The following VEPH1 variants were observed in gnomAD, a reference collection of about 807,000 sequenced individuals.
The protein encoded by VEPH1 is ventricular zone expressed PH domain containing 1.
In VEPH1, 80 loss-of-function variants were observed where a neutral mutation model predicts 85.2. The observed-to-expected ratio is 0.94, with a 90% CI of 0.78 to 1.13. The LOEUF is 1.13. Among genes scored for constraint, VEPH1 ranks in the 50% most tolerant of loss-of-function variants. The pLI, the probability that VEPH1 is intolerant of heterozygous loss-of-function variation, is 0.00. For synonymous variants in VEPH1, 297 were observed against 348.0 expected, an observed-to-expected ratio of 0.85 and a Z score of 1.63; for missense variants, 955 against 980.5, an observed-to-expected ratio of 0.97 and a Z score of 0.35.
intron 11 of VEPH1, among the ~76,000 whole-genome samples, chr3:157,287,587 T>TA (rs1716943975): frequency 6.6e-6 from 1 of 152,106 alleles, no homozygotes; most frequent in Non-Finnish European, 1.5e-5. Context: ...TTTACTGAGA[T>TA]AGAGTCTCAC....
At chr3:157,328,986 CTGTT>C (rs1263249569) in intron 9 of VEPH1, among the ~76,000 whole-genome samples, 3 of 152,146 alleles carry the variant, frequency 2.0e-5, no homozygotes, top group Admixed American at 6.5e-5. Context: ...CAAATCTAGA[CTGTT>C]TGACTCTAGT....
At position 157,381,308 on chromosome 3, in the gene VEPH1, A is replaced by T. The variant is rs1728738730; in HGVS notation, c.975T>A (p.His325Gln). ...TGCTTTTAATCTCCAGCAGGAGAAT[A>T]TGGTGAAACGAATGCTCCATGTTGG... ...QLANMEHSFH[H>Q]ILLLEIKSIT... is the part of the protein sequence containing the mutation. Residue 325 changes from histidine to glutamine, a missense_variant, in exon 7 of 14, where the codon CAT (histidine) becomes CAA (glutamine). Transcript: ENST00000362010. The T allele has an allele frequency of 6.2e-7, 1 of 1,614,116 alleles. No homozygotes were observed. The highest frequency in any genetic ancestry group is 1.3e-5 in the African/African-American group (1 of 74,950).
intron 6 of VEPH1, among the ~76,000 whole-genome samples, chr3:157,387,682 C>G (rs1435026081): frequency 6.6e-6 from 1 of 152,222 alleles, no homozygotes; most frequent in Admixed American, 6.5e-5. Flanking sequence ...GATGTTCTTT[C>G]TCAGTGCTGT....
At chr3:157,478,939 A>G (rs1187360680) in intron 2 of VEPH1, among the ~76,000 whole-genome samples, 1 of 152,214 alleles carries the variant, frequency 6.6e-6, no homozygotes, top group Non-Finnish European at 1.5e-5. Context: ...CATGGCATGA[A>G]GAAAAAATTC....
rs562689939 is a variant in VEPH1 at position 157,380,019 on chromosome 3, A to G, written c.1127+1137T>C. Among the ~76,000 whole-genome samples, 7 of 152,324 alleles carry G rather than the reference A, an allele frequency of 4.6e-5. No individual in the cohort carries two copies. The East Asian group carries it at 7.7e-4, about 17-fold the overall frequency. On this transcript the variant is annotated intron_variant, in intron 7 of 13. Transcript: ENST00000362010. ...AGCTTTTTAAGTTTCTCTCTATTCA[A>G]ACCAGAGCAAAAACAAATAAAACCC...
intron 12 of VEPH1, among the ~76,000 whole-genome samples, chr3:157,277,417 T>C (rs1715538460): frequency 6.6e-6 from 1 of 152,222 alleles, no homozygotes; most frequent in Non-Finnish European, 1.5e-5. Context: ...GTGCCCCGTC[T>C]GTGATAAGGA....
At chr3:157,485,094 C>A (rs116360438) in intron 2 of VEPH1, among the ~76,000 whole-genome samples, 2,640 of 152,298 alleles carry the variant, frequency 0.017, 38 homozygotes, top group Non-Finnish European at 0.026. Flanking sequence ...GAATTGCTGT[C>A]ATTCCCCCAA....
chr3:157,283,318 T>C (rs1406975435), intron 12 of VEPH1, among the ~76,000 whole-genome samples: 2 of 152,234 alleles, frequency 1.3e-5, no homozygotes, highest in East Asian at 1.9e-4. Flanking sequence ...ACTTAATCTC[T>C]TTGTGTTTCA....
chr3:157,477,053 A>G (rs767283799), intron 2 of VEPH1, among the ~76,000 whole-genome samples: 1 of 152,202 alleles, frequency 6.6e-6, no homozygotes, highest in African/African-American at 2.4e-5. Context: ...ATAGTTGCAA[A>G]TAATTATCAC....
In VEPH1 at chr3:157,470,501, G is replaced by T. The variant is rs754309822; in HGVS notation, c.167C>A (p.Ala56Glu). 6.2e-7 allele frequency: 1 copy of T among 1,614,000 alleles called. No homozygotes were observed. The highest frequency in any genetic ancestry group is 1.3e-5 in the African/African-American group (1 of 74,890). The change falls in exon 3 of 14, where the codon GCA becomes GAA. Residue 56 changes from alanine (A) to glutamate (E), a missense_variant. Physicochemically the swap from Ala to Glu is moderately radical, Grantham distance 107. Coordinates refer to ENST00000362010, the MANE Select transcript of VEPH1 (RefSeq NM_001167912.2). ...TCTTGTGATACAGATTTCAACTACTGCCTGGTCATTGTTATTGGTTTGGTA... is the reference window on the plus strand; with the variant it reads ...TCTTGTGATACAGATTTCAACTACTTCCTGGTCATTGTTATTGGTTTGGTA... ...SDYQTNNNDQ[A>E]VVEICITRIT...
At chr3:157,358,225 C>T (rs1214925933) in intron 9 of VEPH1, among the ~76,000 whole-genome samples, 3 of 152,096 alleles carry the variant, frequency 2.0e-5, no homozygotes, top group Non-Finnish European at 4.4e-5. Context: ...AACTAAAATT[C>T]ACTTTTTGGA....
At chr3:157,490,571 T>A (rs539097908) in intron 2 of VEPH1, among the ~76,000 whole-genome samples, 19 of 152,234 alleles carry the variant, frequency 1.2e-4, no homozygotes, top group Non-Finnish European at 1.5e-4. Flanking sequence ...AACAATTACA[T>A]GCTGCTTCAC....
At chr3:157,356,246 C>A (rs1436110686) in intron 9 of VEPH1, among the ~76,000 whole-genome samples, 3 of 151,056 alleles carry the variant, frequency 2.0e-5, no homozygotes, top group Non-Finnish European at 4.5e-5. Flanking sequence ...AACAAAAAAA[C>A]AAAACCCTGT....
intron 3 of VEPH1, among the ~76,000 whole-genome samples, chr3:157,466,339 T>A (rs1736372708): frequency 6.6e-6 from 1 of 152,046 alleles, no homozygotes; most frequent in Non-Finnish European, 1.5e-5. Flanking sequence ...CAGATAGAGA[T>A]CGCTTTTGTA....
At chr3:157,479,703 C>T (rs997943832) in intron 2 of VEPH1, among the ~76,000 whole-genome samples, 2 of 152,176 alleles carry the variant, frequency 1.3e-5, no homozygotes, top group African/African-American at 2.4e-5. Flanking sequence ...GCTAAGGGCT[C>T]GGCTCTGCTT....
chr3:157,260,984 C>A lies in VEPH1; in HGVS notation c.*150G>T, dbSNP rs1310378530. On this transcript the variant is annotated 3_prime_UTR_variant, in exon 14 of 14. Coordinates refer to ENST00000362010, the MANE Select transcript of VEPH1 (RefSeq NM_001167912.2). ...GTATGACATTTACTAAGAATCCTGCCATTTTAGGCCCTTCTTCTTAAAGGA... is the reference window on the plus strand; with the variant it reads ...GTATGACATTTACTAAGAATCCTGCAATTTTAGGCCCTTCTTCTTAAAGGA... The A allele has an allele frequency of 2.8e-6, 3 of 1,063,924 alleles. No homozygotes were observed. Among genetic ancestry groups the A allele is most frequent in the African/African-American group, 1.6e-5 (1 of 62,852 alleles). The allele number at this position is 1,063,924 out of a possible 1,614,324, so 65.9% of individuals were successfully genotyped here.
intron 6 of VEPH1, among the ~76,000 whole-genome samples, chr3:157,389,668 T>C (rs1444019070): frequency 1.3e-5 from 2 of 151,626 alleles, no homozygotes; most frequent in Non-Finnish European, 2.9e-5. Context: ...GATAGATAGA[T>C]AGATAGATAG....
At chr3:157,288,253 T>C (rs1717034569) in intron 11 of VEPH1, among the ~76,000 whole-genome samples, 1 of 152,248 alleles carries the variant, frequency 6.6e-6, no homozygotes, top group South Asian at 2.1e-4. Context: ...TTGTGCTCTG[T>C]TGAGCTGTGA....
chr3:157,323,143 C>T (rs1459591705), intron 9 of VEPH1, among the ~76,000 whole-genome samples: 2 of 152,204 alleles, frequency 1.3e-5, no homozygotes, highest in East Asian at 3.8e-4. Context: ...TATTCCTCCT[C>T]ACCTCCAAGT....
Sources: gnomAD v4.1 joint callset for allele counts (sites outside exome capture counted in the v4.1 genomes callset) on GRCh38, gnomAD v4.1.1 for gene constraint, MANE v1.5 for transcripts, NCBI Gene and HGNC (gene_info 2026-07-23, HGNC 2026-07-21) for gene names.